The following DSCAM variants were observed in gnomAD, a reference collection of about 807,000 sequenced individuals.
DSCAM encodes cell adhesion molecule DSCAM.
DSCAM carries 47 observed loss-of-function variants against 217.7 expected under a neutral mutation model. That is an observed-to-expected ratio of 0.22 (90% CI 0.17 to 0.28). DSCAM has a LOEUF of 0.28. Ranked by LOEUF, DSCAM falls within the 10% of genes least tolerant of loss-of-function variation. The pLI is 1.00. For synonymous variants in DSCAM, 1,056 were observed against 1,015.3 expected, an observed-to-expected ratio of 1.04 and a Z score of -0.76; for missense variants, 2,080 against 2,618.3, an observed-to-expected ratio of 0.79 and a Z score of 4.49.
At chr21:40,650,609 G>T (rs2090000828) in intron 3 of DSCAM, among the ~76,000 whole-genome samples, 3 of 144,102 alleles carry the variant, frequency 2.1e-5, no homozygotes. Flanking sequence ...TGGGACATCT[G>T]TCTTCATTAA....
chr21:40,403,191 T>C (rs576638635), intron 3 of DSCAM, among the ~76,000 whole-genome samples: 9 of 152,306 alleles, frequency 5.9e-5, no homozygotes, highest in Non-Finnish European at 1.3e-4. Flanking sequence ...ATATTTCCAG[T>C]GATCCCTTGA....
chr21:40,282,687 GC>G (rs1329982063), intron 10 of DSCAM, among the ~76,000 whole-genome samples: 4 of 149,008 alleles, frequency 2.7e-5, no homozygotes, highest in Non-Finnish European at 5.9e-5. Flanking sequence ...CAAATAACAT[GC>G]TGGTGTGGTT....
Position 40,400,371 on chromosome 21 carries a change from G to A in DSCAM, c.509-31126C>T, listed in dbSNP as rs185738627. Among the ~76,000 whole-genome samples, 28 of 152,078 alleles carry A rather than the reference G, an allele frequency of 1.8e-4. No homozygotes were observed. The East Asian group carries it at 3.1e-3, about 17-fold the overall frequency. ...TTATATTTTCATAAATCTTTTTAAC[G>A]TCTACCCTAATAGAATGCTCAATTC... On this transcript the variant is annotated intron_variant, in intron 3 of 32. Transcript: ENST00000400454.
intron 1 of DSCAM, among the ~76,000 whole-genome samples, chr21:40,741,886 C>G (rs1203023114): frequency 2.6e-5 from 4 of 152,082 alleles, no homozygotes; most frequent in Non-Finnish European, 4.4e-5. Flanking sequence ...TATGTTCATT[C>G]CTTCATTTCC....
In DSCAM at chr21:40,016,614, C is replaced by A. The variant is rs558097209; in HGVS notation, c.5687-3228G>T. Reference sequence around the variant, plus strand: ...GCTAACAATAATTAATTGAGCCTTCCTCATCCAGCCCCTTTGGACCCATAG... The same window carrying A: ...GCTAACAATAATTAATTGAGCCTTCATCATCCAGCCCCTTTGGACCCATAG... On this transcript the variant is annotated intron_variant, in intron 32 of 32. Coordinates refer to ENST00000400454, the MANE Select transcript of DSCAM (RefSeq NM_001389.5). The surrounding 1 kb of genome is among the most constrained non-coding windows in gnomAD (Gnocchi z 4.3). Among the ~76,000 whole-genome samples the A allele has an allele frequency of 8.5e-5, 13 of 152,162 alleles. No homozygotes were observed. The highest frequency in any genetic ancestry group is 1.2e-4 in the Non-Finnish European group (8 of 68,034).
intron 3 of DSCAM, among the ~76,000 whole-genome samples, chr21:40,398,031 GA>G (rs2075197819): frequency 6.6e-6 from 1 of 152,148 alleles, no homozygotes; most frequent in Admixed American, 6.5e-5. Context: ...ACACTTTTGA[GA>G]GTAAGCTTGT....
chr21:40,603,440 A>G (rs1009676872), intron 3 of DSCAM, among the ~76,000 whole-genome samples: 3 of 152,222 alleles, frequency 2.0e-5, no homozygotes, highest in Non-Finnish European at 4.4e-5. Context: ...GCCCCTAACT[A>G]TAACAGCAAG....
At chr21:40,396,370 T>A (rs1277733765) in intron 3 of DSCAM, among the ~76,000 whole-genome samples, 10 of 152,060 alleles carry the variant, frequency 6.6e-5, no homozygotes, top group African/African-American at 2.4e-4. Flanking sequence ...CCAAATTCAG[T>A]TAGATTGGAT....
chr21:40,202,260 T>C (rs997931817), intron 11 of DSCAM, among the ~76,000 whole-genome samples: 2 of 152,262 alleles, frequency 1.3e-5, no homozygotes, highest in Admixed American at 1.3e-4. Flanking sequence ...AGTTTCCATG[T>C]GGCTTGGGGA....
chr21:40,690,729 C>G (rs1353939397), intron 3 of DSCAM, among the ~76,000 whole-genome samples: 4 of 152,082 alleles, frequency 2.6e-5, no homozygotes, highest in Admixed American at 1.3e-4. Flanking sequence ...AGTCTGTTCA[C>G]AGAGATTGCA....
At chr21:40,346,702 C>G (rs1569076481) in intron 6 of DSCAM, among the ~76,000 whole-genome samples, 2 of 152,112 alleles carry the variant, frequency 1.3e-5, no homozygotes. Flanking sequence ...ATCACATATC[C>G]AAAACCTGTT....
intron 20 of DSCAM, among the ~76,000 whole-genome samples, chr21:40,097,748 T>C (rs1449805725): frequency 6.6e-6 from 1 of 151,872 alleles, no homozygotes; most frequent in Non-Finnish European, 1.5e-5. Context: ...AAGACCATCC[T>C]AGCCAACGTG....
chr21:40,224,797 C>G (rs1287623346), intron 11 of DSCAM, among the ~76,000 whole-genome samples: 1 of 152,182 alleles, frequency 6.6e-6, no homozygotes, highest in African/African-American at 2.4e-5. Context: ...GGACAACCAT[C>G]TCTAAGGCTA....
intron 3 of DSCAM, among the ~76,000 whole-genome samples, chr21:40,546,811 T>C (rs1013278054): frequency 7.2e-5 from 11 of 152,154 alleles, no homozygotes; most frequent in African/African-American, 2.2e-4. Context: ...CCAAAACCCA[T>C]AGAAAAAGAG....
At chr21:40,468,635 G>A (rs541215760) in intron 3 of DSCAM, among the ~76,000 whole-genome samples, 91 of 152,244 alleles carry the variant, frequency 6.0e-4, no homozygotes, top group Non-Finnish European at 1.1e-3. Context: ...TGCCCCGCCT[G>A]CACATTCAGC....
chr21:40,334,050 G>C (rs1405934426), intron 8 of DSCAM, among the ~76,000 whole-genome samples: 1 of 152,128 alleles, frequency 6.6e-6, no homozygotes, highest in Non-Finnish European at 1.5e-5. Flanking sequence ...TTTATTTTCA[G>C]ATATTTGGTG....
At chr21:40,323,181 A>G (rs2074279083) in intron 8 of DSCAM, among the ~76,000 whole-genome samples, 1 of 152,190 alleles carries the variant, frequency 6.6e-6, no homozygotes, top group Admixed American at 6.5e-5. Flanking sequence ...TTCTTCGCCC[A>G]GTCCTTCTTC....
chr21:40,130,545 C>G (rs1349120739), intron 19 of DSCAM, among the ~76,000 whole-genome samples: 1 of 151,932 alleles, frequency 6.6e-6, no homozygotes. Flanking sequence ...ACCTGAGACT[C>G]TATTTACGGA....
intron 3 of DSCAM, among the ~76,000 whole-genome samples, chr21:40,448,645 TTATC>T (rs796139352): frequency 2.6e-5 from 4 of 152,046 alleles, no homozygotes; most frequent in African/African-American, 9.7e-5. Flanking sequence ...ATCAATCTAT[TTATC>T]TATCTACTTT....
Sources: allele counts gnomAD v4.1 joint callset (sites outside exome capture counted in the v4.1 genomes callset), GRCh38; gene constraint gnomAD v4.1.1; non-coding constraint Gnocchi (gnomAD v3.1); transcripts MANE v1.5; gene names NCBI Gene and HGNC (gene_info 2026-07-23, HGNC 2026-07-21).